The following ADGRG4 variants were observed in gnomAD, a reference collection of about 807,000 sequenced individuals.
The protein encoded by ADGRG4 is adhesion G protein-coupled receptor G4, also known as G protein-coupled receptor 112.
In ADGRG4, 122 loss-of-function variants were observed where a neutral mutation model predicts 126.2. That is an observed-to-expected ratio of 0.97 (90% CI 0.83 to 1.12). The LOEUF is 1.12. ADGRG4 is among the 50% of genes most tolerant of loss of function. ADGRG4 has a pLI of 0.00. For synonymous variants in ADGRG4, 943 were observed against 838.7 expected, an observed-to-expected ratio of 1.12 and a Z score of -2.15; for missense variants, 2,481 against 2,251.8, an observed-to-expected ratio of 1.10 and a Z score of -2.06.
chrX:136,346,124 TG>T lies in ADGRG4; in HGVS notation c.2419del (p.Glu807ArgfsTer7), dbSNP rs750521683. The T allele has an allele frequency of 3.3e-6, 4 of 1,210,289 alleles. No homozygotes were observed. The East Asian group carries it at 1.2e-4, about 36-fold the overall frequency. ...ATTTTTCTACTGAGGAAAGTGCTTC[TG>T]AGACCACACAAACAGAAATAAATGG... Reference protein sequence around the residue: ...PNFSTEESASETTQTEINGAI... With the variant: ...PNFSTEESASXTTQTEINGAI... On this transcript the variant is annotated frameshift_variant, in exon 6 of 26. Transcript: ENST00000394143. LOFTEE classifies it high-confidence loss of function.
chrX:136,320,412 G>GT (rs750154319), intron 4 of ADGRG4, among the ~76,000 whole-genome samples: 1 of 112,008 alleles, frequency 8.9e-6, no homozygotes, highest in South Asian at 3.7e-4. Context: ...CTAGCAGCGT[G>GT]TAAGAGTGAC....
intron 5 of ADGRG4, among the ~76,000 whole-genome samples, chrX:136,325,711 CTT>C (rs142748862): frequency 2.2e-5 from 2 of 91,968 alleles, no homozygotes. Flanking sequence ...CTTTTGTACA[CTT>C]TTTTTTTTTT....
intron 15 of ADGRG4, among the ~76,000 whole-genome samples, chrX:136,377,413 C>T (rs1159699073): frequency 1.8e-5 from 2 of 110,039 alleles, no homozygotes; most frequent in Non-Finnish European, 3.8e-5. Flanking sequence ...AGACTGATCT[C>T]GAACTCCTGG....
rs1024298542 is a variant in ADGRG4 at position 136,398,070 on chromosome X, T to A, written c.8306+68T>A. 4.1e-5 allele frequency: 42 copies of A among 1,022,302 alleles called. No individual in the cohort carries two copies. In the East Asian group the frequency reaches 1.1e-3, roughly 26 times the overall value. 84.2% of individuals were successfully genotyped at this position (1,022,302 alleles called of 1,213,427 possible). On this transcript the variant is annotated intron_variant, in intron 20 of 25. Transcript: ENST00000394143. Reference sequence around the variant, plus strand: ...TGATGGATGCTATTACCATTGTAACTTTGTTAATTTCATGAACACATCACA... The same window carrying A: ...TGATGGATGCTATTACCATTGTAACATTGTTAATTTCATGAACACATCACA...
chrX:136,399,763 CTTA>C (rs752238332), intron 20 of ADGRG4, 82 bp from the exon 21 acceptor site: 4 of 807,392 alleles, frequency 5.0e-6, no homozygotes, highest in Non-Finnish European at 7.0e-6. Flanking sequence ...TATTCTTTCA[CTTA>C]TTATGTAGAT....
intron 4 of ADGRG4, 104 bp from the exon 5 acceptor site, chrX:136,322,674 T>C: frequency 1.4e-6 from 1 of 695,731 alleles, no homozygotes; most frequent in African/African-American, 2.2e-5. Context: ...TGACTCATAA[T>C]TATATTGTAT....
At chrX:136,363,151 A>G (rs1157792285) in intron 12 of ADGRG4, among the ~76,000 whole-genome samples, 1 of 111,842 alleles carries the variant, frequency 8.9e-6, no homozygotes, top group Non-Finnish European at 1.9e-5. Context: ...AAGAAGGGAC[A>G]GTGAGAGGAA....
At chrX:136,388,651 T>C (rs1469887749) in intron 16 of ADGRG4, among the ~76,000 whole-genome samples, 1 of 112,331 alleles carries the variant, frequency 8.9e-6, no homozygotes, top group Non-Finnish European at 1.9e-5. Flanking sequence ...CTTAGGTCTC[T>C]GCCTAACAAA....
intron 4 of ADGRG4, among the ~76,000 whole-genome samples, chrX:136,310,388 A>G (rs1429648341): frequency 9.0e-6 from 1 of 111,646 alleles, no homozygotes; most frequent in Non-Finnish European, 1.9e-5. Flanking sequence ...TAAAGCAGTC[A>G]CAAGGTTTTC....
At position 136,344,599 on chromosome X, in the gene ADGRG4, C is replaced by T. The variant is rs1370707438; in HGVS notation, c.893C>T (p.Thr298Ile). The change falls in exon 6 of 26, where the codon ACT becomes ATT. Residue 298 changes from threonine to isoleucine, a missense_variant. By Grantham distance (89) the Thr-to-Ile change is moderately conservative (BLOSUM62 -1). Transcript: ENST00000394143. ...ACATCTCCACCTCTGGAAACAATGA[C>T]TGCACAAAAAATCTTAAAGACACTG... ...NTTSPPLETMTAQKILKTLVD... is the reference protein window; with the variant it reads ...NTTSPPLETMIAQKILKTLVD... The T allele has an allele frequency of 8.3e-7, 1 of 1,207,345 alleles. No homozygotes were observed. Among genetic ancestry groups the T allele is most frequent in the East Asian group, 3.0e-5 (1 of 33,816 alleles).
intron 5 of ADGRG4, among the ~76,000 whole-genome samples, chrX:136,341,582 T>A (rs5975720): frequency 0.5 from 55,099 of 111,243 alleles, 10,040 homozygotes; most frequent in African/African-American, 0.6. Context: ...CTTAAAATAC[T>A]CACTTGGCTG....
chrX:136,356,477 A>G (rs1285291271), intron 9 of ADGRG4, among the ~76,000 whole-genome samples: 1 of 111,720 alleles, frequency 9.0e-6, no homozygotes, highest in East Asian at 2.8e-4. Context: ...GAGTGACACA[A>G]TTGTTTGCAA....
chrX:136,332,097 T>C (rs1289556662), intron 5 of ADGRG4, among the ~76,000 whole-genome samples: 1 of 109,148 alleles, frequency 9.2e-6, no homozygotes, highest in Non-Finnish European at 1.9e-5. Flanking sequence ...GCTGATGCGC[T>C]GCACACACTA....
chrX:136,353,400 AG>A lies in ADGRG4; in HGVS notation c.6887+1del. On this transcript the variant is annotated frameshift_variant and splice_region_variant, in exon 8 of 26. Coordinates refer to ENST00000394143, the MANE Select transcript of ADGRG4 (RefSeq NM_153834.4). LOFTEE classifies it high-confidence loss of function. Reference protein sequence around the residue: ...LATLETQIKSRDISEEEMVMD... With the variant: ...LATLETQIKSXDISEEEMVMD... The stretch of plus-strand genomic sequence containing the variant: ...TACTCTGGAAACCCAAATTAAAAGC[AG>A]GTATGTGAATGACATTTACTGTGGG... The A allele has an allele frequency of 8.5e-7, 1 of 1,177,800 alleles. No homozygotes were observed. Among genetic ancestry groups the A allele is most frequent in the Non-Finnish European group, 1.2e-6 (1 of 864,952 alleles).
intron 24 of ADGRG4, among the ~76,000 whole-genome samples, 168 bp from the exon 25 acceptor site, chrX:136,413,992 C>T (rs934728860): frequency 9.0e-6 from 1 of 111,727 alleles, no homozygotes; most frequent in Non-Finnish European, 1.9e-5. Context: ...CCGCCCGCCT[C>T]GGCCTCCCAA....
chrX:136,388,815 G>T (rs1432223104), intron 16 of ADGRG4, among the ~76,000 whole-genome samples: 1 of 111,702 alleles, frequency 9.0e-6, no homozygotes, highest in African/African-American at 3.3e-5. Flanking sequence ...ACTCAAAAAG[G>T]TTAAGTAATT....
intron 15 of ADGRG4, among the ~76,000 whole-genome samples, chrX:136,382,593 G>T (rs1181024946): frequency 9.0e-6 from 1 of 111,678 alleles, no homozygotes; most frequent in Non-Finnish European, 1.9e-5. Context: ...GCCATTTGTA[G>T]TCCTGCCTGG....
At chrX:136,311,877 A>G (rs1295290249) in intron 4 of ADGRG4, among the ~76,000 whole-genome samples, 1 of 111,056 alleles carries the variant, frequency 9.0e-6, no homozygotes, top group Admixed American at 9.6e-5. Context: ...TTAAATTGTA[A>G]ATAGACACAG....
intron 15 of ADGRG4, among the ~76,000 whole-genome samples, chrX:136,380,380 T>C (rs1283287497): frequency 9.0e-6 from 1 of 111,687 alleles, no homozygotes; most frequent in Admixed American, 9.5e-5. Flanking sequence ...TCCATTTTGT[T>C]GATCCTTTTA....
Sources: allele counts gnomAD v4.1 joint callset (sites outside exome capture counted in the v4.1 genomes callset), GRCh38; gene constraint gnomAD v4.1.1; transcripts MANE v1.5; gene names NCBI Gene and HGNC (gene_info 2026-07-23, HGNC 2026-07-21).